IPO5: variants seen among roughly 807,000 people sequenced by gnomAD.
IPO5 encodes importin 5.
A neutral mutation model predicts 143.3 loss-of-function variants in IPO5; 18 were observed. The observed-to-expected ratio is 0.13, with a 90% CI of 0.09 to 0.19. The LOEUF is 0.19. IPO5 is among the 10% of genes least tolerant of loss of function. The pLI is 1.00. For missense variants in IPO5, 1,013 were observed against 1,336.9 expected, an observed-to-expected ratio of 0.76 and a Z score of 3.78; for synonymous variants, 477 against 465.7, an observed-to-expected ratio of 1.02 and a Z score of -0.31.
intron 19 of IPO5, 30 bp from the exon 20 acceptor site, chr13:98,010,073 A>G (rs1442682254): frequency 1.9e-6 from 3 of 1,613,382 alleles, no homozygotes; most frequent in East Asian, 2.2e-5. Context: ...ATTATTTTTC[A>G]TATGCATTTG....
intron 17 of IPO5, among the ~76,000 whole-genome samples, chr13:98,006,966 A>G (rs1031437074): frequency 2.7e-5 from 4 of 150,082 alleles, no homozygotes; most frequent in African/African-American, 9.8e-5. Flanking sequence ...CCTGGGTTCA[A>G]GCGATTCTCC....
intron 4 of IPO5, among the ~76,000 whole-genome samples, chr13:97,979,278 C>T (rs926933438): frequency 6.6e-6 from 1 of 152,278 alleles, no homozygotes; most frequent in South Asian, 2.1e-4. Context: ...AAATACCAAA[C>T]TGTTGACTAA....
chr13:98,001,231 A>G (rs1225013320), intron 13 of IPO5, among the ~76,000 whole-genome samples: 1 of 152,214 alleles, frequency 6.6e-6, no homozygotes, highest in African/African-American at 2.4e-5. Flanking sequence ...TAATATATAT[A>G]TCAATCCCAA....
chr13:97,999,020 A>G (rs1044077612), intron 12 of IPO5, among the ~76,000 whole-genome samples: 1 of 152,080 alleles, frequency 6.6e-6, no homozygotes. Flanking sequence ...GCAGACACCT[A>G]TAATGCCAGC....
rs547582633 is a variant in IPO5 at position 98,015,790 on chromosome 13, T to C, written c.2493+9T>C. ...AGTCACTACAAGATGAGGTAAGTTA[T>C]TCCCTTTGGAACTTACTTACGTGAC... On this transcript the variant is annotated intron_variant, in intron 24 of 28. Coordinates refer to ENST00000651721, the MANE Select transcript of IPO5 (RefSeq NM_002271.6). The C allele has an allele frequency of 2.5e-6, 4 of 1,587,542 alleles. No individual in the cohort carries two copies. The South Asian group carries it at 3.4e-5, about 14-fold the overall frequency.
At chr13:97,985,348 A>AT in intron 5 of IPO5, 73 bp from the exon 6 acceptor site, 1 of 1,238,942 alleles carries the variant, frequency 8.1e-7, no homozygotes, top group Non-Finnish European at 1.2e-6. Context: ...CGCTTTTGAA[A>AT]TATAAAAATA....
chr13:98,020,783 C>G, intron 27 of IPO5, among the ~76,000 whole-genome samples: 1 of 151,952 alleles, frequency 6.6e-6, no homozygotes, highest in East Asian at 1.9e-4. Context: ...GTATTTAGAG[C>G]ATTCTGTTGT....
chr13:98,018,912 G>A (rs1890293113), intron 26 of IPO5, among the ~76,000 whole-genome samples: 1 of 151,814 alleles, frequency 6.6e-6, no homozygotes, highest in Non-Finnish European at 1.5e-5. Flanking sequence ...CCTGCCCCCA[G>A]CCTTCCAGGG....
chr13:98,006,301 A>G lies in IPO5; in HGVS notation c.1669A>G (p.Thr557Ala). ...AGAACTGAGACTTCTGAGAGGAAAAACTATTGAATGCATTAGCCTCATTGG... is the reference window on the plus strand; with the variant it reads ...AGAACTGAGACTTCTGAGAGGAAAAGCTATTGAATGCATTAGCCTCATTGG... ...QKELRLLRGK[T>A]IECISLIGLA... Residue 557 changes from threonine (T) to alanine (A), a missense_variant, in exon 17 of 29, where the codon ACT (threonine) becomes GCT (alanine). Thr to Ala is a moderately conservative substitution (Grantham distance 58). This residue lies in a region of IPO5 where 685 missense variants were observed against 994.9 expected (regional missense o/e 0.69). Coordinates refer to ENST00000651721, the MANE Select transcript of IPO5 (RefSeq NM_002271.6). 6.2e-7 allele frequency: 1 copy of G among 1,611,150 alleles called. No individual in the cohort carries two copies. The highest frequency in any genetic ancestry group is 8.5e-7 in the Non-Finnish European group (1 of 1,178,812).
chr13:97,954,854 T>G (rs768145166), intron 2 of IPO5, among the ~76,000 whole-genome samples: 32 of 152,326 alleles, frequency 2.1e-4, no homozygotes, highest in Non-Finnish European at 3.8e-4. Flanking sequence ...CTAACTAGTA[T>G]GCGAGACAGA....
chr13:97,973,038 C>CTTTTTTTT (rs34572861), intron 3 of IPO5, among the ~76,000 whole-genome samples: 2 of 76,336 alleles, frequency 2.6e-5, no homozygotes, highest in Non-Finnish European at 2.4e-5. Flanking sequence ...CTTTTATCTT[C>CTTTTTTTT]TTTTTTTTTT....
intron 5 of IPO5, 50 bp downstream of exon 5, chr13:97,982,633 AGAT>A (rs781085278): frequency 5.3e-6 from 6 of 1,142,174 alleles, no homozygotes; most frequent in Middle Eastern, 2.0e-4. Flanking sequence ...ATAAGTTATT[AGAT>A]GATGATCATA....
chr13:98,008,995 T>G (rs1566552622), intron 18 of IPO5, among the ~76,000 whole-genome samples: 1 of 152,230 alleles, frequency 6.6e-6, no homozygotes, highest in African/African-American at 2.4e-5. Flanking sequence ...ATGTTTTGTA[T>G]GTACAGAGAT....
rs556981453 is a variant in IPO5 at position 98,012,101 on chromosome 13, C to G, written c.2056-145C>G. ...TTTAAGACTCTTTTTAGTTGGAAGA[C>G]TAATTTGACAGTTCTACATGCAACT... On this transcript the variant is annotated intron_variant, in intron 20 of 28. Transcript: ENST00000651721. 3.0e-5 allele frequency: 17 copies of G among 559,948 alleles called. No homozygotes were observed. The East Asian group carries it at 4.9e-4, about 16-fold the overall frequency. The allele number at this position is 559,948 out of a possible 1,614,324, so 34.7% of individuals were successfully genotyped here.
chr13:98,004,778 C>T (rs1188111894), intron 16 of IPO5, among the ~76,000 whole-genome samples: 3 of 152,154 alleles, frequency 2.0e-5, no homozygotes, highest in Non-Finnish European at 2.9e-5. Flanking sequence ...GAATGTGTAA[C>T]ACAAGTTAAA....
At chr13:98,001,896 G>C (rs1311417466) in intron 13 of IPO5, 1 of 152,238 alleles carries the variant, frequency 6.6e-6, no homozygotes, top group Non-Finnish European at 1.5e-5. Flanking sequence ...TTACAGGTGT[G>C]AGCCACCGCG....
intron 3 of IPO5, chr13:97,975,945 A>G: frequency 2.0e-6 from 2 of 985,720 alleles, no homozygotes; most frequent in Non-Finnish European, 2.4e-6. Context: ...CCCTGAGTCC[A>G]CAGCCCTGGG....
At chr13:98,013,986 C>A in intron 21 of IPO5, 56 bp from the exon 22 acceptor site, 1 of 1,522,286 alleles carries the variant, frequency 6.6e-7, no homozygotes, top group Non-Finnish European at 8.9e-7. Context: ...GCATTGAACC[C>A]TTTAACATTT....
chr13:97,972,650 G>A (rs972782865), intron 3 of IPO5, among the ~76,000 whole-genome samples: 1 of 152,204 alleles, frequency 6.6e-6, no homozygotes, highest in Non-Finnish European at 1.5e-5. Flanking sequence ...CCATTCACAA[G>A]ATAAACCACT....
Sources: allele counts gnomAD v4.1 joint callset (sites outside exome capture counted in the v4.1 genomes callset), GRCh38; gene constraint gnomAD v4.1.1; regional missense constraint gnomAD v4.1.1; transcripts MANE v1.5; gene names NCBI Gene and HGNC (gene_info 2026-07-23, HGNC 2026-07-21).